Variants in TTC12 observed in about 807,000 individuals in gnomAD.
TTC12 encodes the protein tetratricopeptide repeat protein 12.
A neutral mutation model predicts 90.1 loss-of-function variants in TTC12; 70 were observed. The ratio of observed to expected loss-of-function variants is 0.78; its 90% CI spans 0.64 to 0.95. The LOEUF (loss-of-function observed/expected upper bound fraction) is 0.95. Among genes scored for constraint, TTC12 ranks in the 40% least tolerant of loss-of-function variants. The pLI, the probability that TTC12 is intolerant of heterozygous loss-of-function variation, is 0.00. For missense variants in TTC12, 819 were observed against 846.1 expected, an observed-to-expected ratio of 0.97 and a Z score of 0.40; for synonymous variants, 296 against 311.5, an observed-to-expected ratio of 0.95 and a Z score of 0.53.
At chr11:113,328,917 G>C (rs1466019403) in intron 6 of TTC12, among the ~76,000 whole-genome samples, 1 of 151,982 alleles carries the variant, frequency 6.6e-6, no homozygotes, top group African/African-American at 2.4e-5. Flanking sequence ...TTCATTTATC[G>C]TAATGCTTTT....
chr11:113,316,741 G>A (rs1946962295), intron 2 of TTC12, among the ~76,000 whole-genome samples: 1 of 152,210 alleles, frequency 6.6e-6, no homozygotes, highest in Admixed American at 6.5e-5. Context: ...CTTTCCTTTA[G>A]GATCCATCAA....
At chr11:113,343,593 G>T (rs1164401622) in intron 12 of TTC12, among the ~76,000 whole-genome samples, 4 of 152,100 alleles carry the variant, frequency 2.6e-5, no homozygotes, top group Non-Finnish European at 4.4e-5. Flanking sequence ...GAAAGCCAAG[G>T]GTGATGAGGT....
chr11:113,366,381 GTA>G lies in TTC12; in HGVS notation c.*83_*84del. The G allele has an allele frequency of 6.3e-7, 1 of 1,593,742 alleles. No individual in the cohort carries two copies. On this transcript the variant is annotated 3_prime_UTR_variant, in exon 22 of 22. Transcript: ENST00000529221. ...TCCTATGCTAATAAAGACCTTTGAT[GTA>G]TCCACTTCAGAATCAAGTACTCATT...
chr11:113,328,842 C>G (rs1364235454), intron 6 of TTC12, among the ~76,000 whole-genome samples: 1 of 152,178 alleles, frequency 6.6e-6, no homozygotes, highest in African/African-American at 2.4e-5. Context: ...GTCTCTATAC[C>G]TTTGTCTGTT....
intron 12 of TTC12, among the ~76,000 whole-genome samples, chr11:113,342,917 T>C (rs1948758206): frequency 6.6e-6 from 1 of 152,208 alleles, no homozygotes; most frequent in African/African-American, 2.4e-5. Flanking sequence ...GTCTACTCAG[T>C]GTGAATCTGA....
chr11:113,367,072 G>A (rs1457837941), downstream of TTC12, among the ~76,000 whole-genome samples: 2 of 152,194 alleles, frequency 1.3e-5, no homozygotes, highest in Non-Finnish European at 2.9e-5. Context: ...CAGAGGCAAC[G>A]CTCCCTTCCA....
At chr11:113,352,851 C>T (rs1949388883) in intron 16 of TTC12, among the ~76,000 whole-genome samples, 1 of 152,152 alleles carries the variant, frequency 6.6e-6, no homozygotes, top group Admixed American at 6.5e-5. Context: ...TCCAGTCTAT[C>T]ATTGATGGGC....
chr11:113,368,333 G>A, downstream of TTC12: 2 of 1,546,366 alleles, frequency 1.3e-6, no homozygotes, highest in Non-Finnish European at 1.7e-6. Context: ...CCCCAAACTT[G>A]TTACCCCTAA....
chr11:113,364,711 T>C lies in TTC12; in HGVS notation c.1817-124T>C, dbSNP rs1950111481. On this transcript the variant is annotated intron_variant, in intron 20 of 21. Coordinates refer to ENST00000529221, the MANE Select transcript of TTC12 (RefSeq NM_017868.4). Reference sequence around the variant, plus strand: ...TGCTGATGAGTAAGTGAACAAGTTCTGCTGCAGAGTTACTGGGGAAGCTCG... The same window carrying C: ...TGCTGATGAGTAAGTGAACAAGTTCCGCTGCAGAGTTACTGGGGAAGCTCG... 4 of 716,142 alleles carry C rather than the reference T, an allele frequency of 5.6e-6. 1 individual carries two copies. The South Asian group carries it at 6.8e-5, about 12-fold the overall frequency. 44.4% of individuals were successfully genotyped at this position (716,142 alleles called of 1,614,324 possible). A position where few individuals can be genotyped will look rare whatever the true frequency, so the allele number is the denominator to read the frequency against.
intron 8 of TTC12, among the ~76,000 whole-genome samples, chr11:113,338,149 T>C (rs1555144637): frequency 6.6e-6 from 1 of 152,192 alleles, no homozygotes; most frequent in Admixed American, 6.5e-5. Flanking sequence ...TGGGCAGTTC[T>C]TATATTCTTG....
chr11:113,329,758 G>T lies in TTC12; in HGVS notation c.445-162G>T, dbSNP rs965207341. The T allele has an allele frequency of 4.3e-6, 3 of 694,406 alleles. No individual in the cohort carries two copies. In the South Asian group the frequency reaches 4.4e-5, roughly 10 times the overall value. The allele number at this position is 694,406 out of a possible 1,614,324, so 43.0% of individuals were successfully genotyped here. A position where few individuals can be genotyped will look rare whatever the true frequency, so the allele number is the denominator to read the frequency against. On this transcript the variant is annotated intron_variant, in intron 6 of 21. Transcript: ENST00000529221. ...TCCCTGTATTCAACTCTCCTCAGTT[G>T]CCCAGTGCAAGTGTGCCATCTGTTT...
In TTC12 at chr11:113,339,440, G is replaced by GT; in HGVS notation, c.792_793insT (p.Gly265TrpfsTer3). 1.2e-6 allele frequency: 2 copies of GT among 1,612,374 alleles called. No homozygotes were observed. The highest frequency in any genetic ancestry group is 1.7e-6 in the Non-Finnish European group (2 of 1,179,590). On this transcript the variant is annotated frameshift_variant, in exon 10 of 22. Transcript: ENST00000529221. LOFTEE classifies it high-confidence loss of function. Reference sequence around the variant, plus strand: ...ACCAGATCCCCTTGTTCTATGCTGGGGGGATTGAGATCCTGACTGAAATGA... The same window carrying GT: ...ACCAGATCCCCTTGTTCTATGCTGGGTGGGATTGAGATCCTGACTGAAATGA...
Position 113,340,807 on chromosome 11 carries a change from G to A in TTC12, c.896+74G>A. On this transcript the variant is annotated intron_variant, in intron 11 of 21. Transcript: ENST00000529221. ...CCACTGCTTATGAAATCAGACACGA[G>A]GCACATAGACAGTCACGTTTCTGAA... The A allele has an allele frequency of 2.3e-6, 3 of 1,282,204 alleles. No homozygotes were observed. The Admixed American group carries it at 5.0e-5, about 22-fold the overall frequency. 79.4% of individuals were successfully genotyped at this position (1,282,204 alleles called of 1,614,324 possible). A position where few individuals can be genotyped will look rare whatever the true frequency, so the allele number is the denominator to read the frequency against.
At chr11:113,346,964 C>A (rs1048702262) in intron 13 of TTC12, among the ~76,000 whole-genome samples, 5 of 152,082 alleles carry the variant, frequency 3.3e-5, no homozygotes, top group African/African-American at 1.2e-4. Context: ...GAAAATCTGC[C>A]ACCAAAAAAG....
At chr11:113,351,717 T>G (rs1555150286) in intron 15 of TTC12, among the ~76,000 whole-genome samples, 1 of 152,208 alleles carries the variant, frequency 6.6e-6, no homozygotes, top group East Asian at 1.9e-4. Flanking sequence ...GTGTTGCAAC[T>G]GGAGCCTATC....
At chr11:113,319,781 CA>C (rs557777483) in intron 2 of TTC12, among the ~76,000 whole-genome samples, 35 of 151,902 alleles carry the variant, frequency 2.3e-4, no homozygotes, top group African/African-American at 8.5e-4. Flanking sequence ...AAAGGACAAT[CA>C]GGGGAAAGGA....
In TTC12 at chr11:113,323,977, G is replaced by A; in HGVS notation, c.223-17G>A. The A allele has an allele frequency of 6.2e-7, 1 of 1,605,124 alleles. No individual in the cohort carries two copies. The highest frequency in any genetic ancestry group is 8.5e-7 in the Non-Finnish European group (1 of 1,175,056). Reference sequence around the variant, plus strand: ...TGAAATTTGTTTCTTTGTTTTTATGGTAACCTACGTCTACAGAGTGCAGAA... The same window carrying A: ...TGAAATTTGTTTCTTTGTTTTTATGATAACCTACGTCTACAGAGTGCAGAA... On this transcript the variant is annotated splice_polypyrimidine_tract_variant and intron_variant, in intron 3 of 21. Coordinates refer to ENST00000529221, the MANE Select transcript of TTC12 (RefSeq NM_017868.4).
chr11:113,324,629 A>G lies in TTC12; in HGVS notation c.269A>G (p.Lys90Arg), dbSNP rs1555140253. 6.2e-7 allele frequency: 1 copy of G among 1,614,000 alleles called. No individual in the cohort carries two copies. The highest frequency in any genetic ancestry group is 8.5e-7 in the Non-Finnish European group (1 of 1,179,944). The change falls in exon 5 of 22, where the codon AAG becomes AGG. Residue 90 changes from lysine to arginine, a missense_variant. By Grantham distance (26) the Lys-to-Arg change is conservative. Coordinates refer to ENST00000529221, the MANE Select transcript of TTC12 (RefSeq NM_017868.4). ...NSEAFLASVE[K>R]DAKERAKRRR... is the part of the protein sequence containing the mutation. Reference sequence around the variant, plus strand: ...GAGGCCTTCTTGGCATCTGTGGAGAAGGATGCAAAGGAACGAGCCAAGAGA... The same window carrying G: ...GAGGCCTTCTTGGCATCTGTGGAGAGGGATGCAAAGGAACGAGCCAAGAGA...
chr11:113,338,100 T>C (rs1224403376), intron 8 of TTC12, among the ~76,000 whole-genome samples: 1 of 151,882 alleles, frequency 6.6e-6, no homozygotes, highest in East Asian at 1.9e-4. Context: ...GTTGTTGTTT[T>C]CTGAGCGTTT....
Sources: gnomAD v4.1 joint callset for allele counts (sites outside exome capture counted in the v4.1 genomes callset) on GRCh38, gnomAD v4.1.1 for gene constraint, MANE v1.5 for transcripts, NCBI Gene and HGNC (gene_info 2026-07-23, HGNC 2026-07-21) for gene names.